PAWR: variants seen among roughly 807,000 people sequenced by gnomAD.
The protein encoded by PAWR is PRKC apoptosis WT1 regulator protein.
Under a neutral mutation model 32.0 loss-of-function variants are expected in PAWR, and 23 were observed. That is an observed-to-expected ratio of 0.72 (90% CI 0.52 to 1.02). PAWR has a LOEUF of 1.02. PAWR is among the 50% of genes least tolerant of loss of function. PAWR has a pLI of 0.00. For missense variants in PAWR, 457 were observed against 437.7 expected (o/e 1.04, Z -0.39); for synonymous variants, 226 against 187.1 (o/e 1.21, Z -1.70).
intron 2 of PAWR, among the ~76,000 whole-genome samples, chr12:79,664,680 G>T (rs1877520048): frequency 6.7e-6 from 1 of 148,496 alleles, no homozygotes; most frequent in African/African-American, 2.6e-5. Context: ...GAGAGAGAGA[G>T]AGTGGTCTTG....
intron 2 of PAWR, among the ~76,000 whole-genome samples, chr12:79,624,438 G>T (rs1397134046): frequency 6.6e-6 from 1 of 152,130 alleles, no homozygotes; most frequent in Non-Finnish European, 1.5e-5. Flanking sequence ...TGTGATACCT[G>T]AAGTTAAAAT....
At chr12:79,649,089 G>A (rs1361185944) in intron 2 of PAWR, among the ~76,000 whole-genome samples, 1 of 152,130 alleles carries the variant, frequency 6.6e-6, no homozygotes, top group Non-Finnish European at 1.5e-5. Flanking sequence ...TTCCTTAACT[G>A]GAAGCCAATC....
chr12:79,657,519 C>T (rs1433485084), intron 2 of PAWR, among the ~76,000 whole-genome samples: 10 of 152,004 alleles, frequency 6.6e-5, no homozygotes, highest in African/African-American at 1.7e-4. Flanking sequence ...AAGGGCCGCG[C>T]GGTGGCTCAC....
At chr12:79,606,355 C>T (rs1458397296) in intron 4 of PAWR, among the ~76,000 whole-genome samples, 1 of 152,142 alleles carries the variant, frequency 6.6e-6, no homozygotes, top group Non-Finnish European at 1.5e-5. Flanking sequence ...ATTTGAATTA[C>T]ATCTTAATAA....
chr12:79,607,602 G>A (rs899813522), intron 4 of PAWR, among the ~76,000 whole-genome samples: 63 of 152,002 alleles, frequency 4.1e-4, no homozygotes, highest in African/African-American at 1.3e-3. Context: ...GGTGGCACAT[G>A]CCTGTAGTTA....
intron 2 of PAWR, among the ~76,000 whole-genome samples, chr12:79,626,382 C>A (rs1487464682): frequency 2.0e-5 from 3 of 149,106 alleles, no homozygotes; most frequent in South Asian, 2.1e-4. Context: ...GCCTCAGCCT[C>A]CTGAGTAGCT....
In PAWR at chr12:79,619,252, G is replaced by A. The variant is rs73343670; in HGVS notation, c.648+1824C>T. On this transcript the variant is annotated intron_variant, in intron 3 of 6. Coordinates refer to ENST00000328827, the MANE Select transcript of PAWR (RefSeq NM_002583.4). ...TATGCTCCCTACCTATTAGTCACTC[G>A]GGAGCCACCTTGGTTATCAGACTGT... Among the ~76,000 whole-genome samples the A allele has an allele frequency of 9.8e-3, 1,470 of 150,160 alleles. 35 individuals carry two copies. Among genetic ancestry groups the A allele is most frequent in the African/African-American group, 0.033 (1,377 of 41,348 alleles).
At chr12:79,667,204 T>C (rs1220667694) in intron 2 of PAWR, among the ~76,000 whole-genome samples, 1 of 152,202 alleles carries the variant, frequency 6.6e-6, no homozygotes, top group Non-Finnish European at 1.5e-5. Flanking sequence ...CTGACACCTG[T>C]CTCAGATATT....
At chr12:79,675,452 C>T (rs191573037) in intron 2 of PAWR, among the ~76,000 whole-genome samples, 267 of 152,210 alleles carry the variant, frequency 1.8e-3, no homozygotes, top group African/African-American at 5.7e-3. Context: ...CATCGCAGCA[C>T]TATTCACAAT....
chr12:79,686,861 T>C (rs1222845538), intron 2 of PAWR, among the ~76,000 whole-genome samples: 2 of 152,204 alleles, frequency 1.3e-5, no homozygotes, highest in African/African-American at 4.8e-5. Context: ...GTTAACTCAG[T>C]ACTTAAATTT....
chr12:79,625,311 G>A (rs967786135), intron 2 of PAWR, among the ~76,000 whole-genome samples: 44 of 152,138 alleles, frequency 2.9e-4, no homozygotes, highest in African/African-American at 1.0e-3. Context: ...GTCTCAGAAG[G>A]CAAGGAGAGA....
intron 4 of PAWR, chr12:79,597,701 A>G (rs1456991530): frequency 6.6e-6 from 1 of 152,204 alleles, no homozygotes; most frequent in Non-Finnish European, 1.5e-5. Flanking sequence ...TTCCTTAAAC[A>G]CCAGTTCATA....
chr12:79,682,008 T>G (rs1164320810), intron 2 of PAWR, among the ~76,000 whole-genome samples: 2 of 152,214 alleles, frequency 1.3e-5, no homozygotes, highest in Non-Finnish European at 2.9e-5. Context: ...TTCTAAAATA[T>G]TAAGTAGTTT....
At chr12:79,616,498 C>T (rs948471673) in intron 3 of PAWR, among the ~76,000 whole-genome samples, 1 of 152,028 alleles carries the variant, frequency 6.6e-6, no homozygotes, top group South Asian at 2.1e-4. Flanking sequence ...TATGGTAAAA[C>T]TTAGAGTAAT....
At chr12:79,623,019 T>A (rs1875099721) in intron 2 of PAWR, among the ~76,000 whole-genome samples, 1 of 152,184 alleles carries the variant, frequency 6.6e-6, no homozygotes, top group South Asian at 2.1e-4. Context: ...GCTATACAGT[T>A]CCTTGGGATA....
intron 2 of PAWR, among the ~76,000 whole-genome samples, chr12:79,660,631 T>A (rs1877303088): frequency 6.6e-6 from 1 of 150,892 alleles, no homozygotes. Flanking sequence ...TTGCCCAGGC[T>A]GGAGTGCAGT....
rs1566009609 is a variant in PAWR at position 79,629,651 on chromosome 12, C to T, written c.517-8444G>A. 2.0e-5 allele frequency among the ~76,000 whole-genome samples: 3 copies of T among 151,782 alleles called. No individual in the cohort carries two copies. In the East Asian group the frequency reaches 5.8e-4, roughly 29 times the overall value. ...GACCCAACATTTATAGAACACTCCCCCCACAAAAATAAACTATATGTTTGT... is the reference window on the plus strand; with the variant it reads ...GACCCAACATTTATAGAACACTCCCTCCACAAAAATAAACTATATGTTTGT... On this transcript the variant is annotated intron_variant, in intron 2 of 6. Transcript: ENST00000328827.
chr12:79,648,143 C>A (rs548694964), intron 2 of PAWR, among the ~76,000 whole-genome samples: 14 of 152,130 alleles, frequency 9.2e-5, no homozygotes, highest in African/African-American at 3.1e-4. Context: ...CACAGAATGG[C>A]GACCCCTGTT....
chr12:79,604,743 T>G, intron 4 of PAWR: 1 of 1,248,450 alleles, frequency 8.0e-7, no homozygotes, highest in Non-Finnish European at 1.0e-6. Context: ...AACATACACA[T>G]AAGCACATAC....
Sources: gnomAD v4.1 joint callset for allele counts (sites outside exome capture counted in the v4.1 genomes callset) on GRCh38, gnomAD v4.1.1 for gene constraint, MANE v1.5 for transcripts, NCBI Gene and HGNC (gene_info 2026-07-23, HGNC 2026-07-21) for gene names.